Variants in TRPC3 observed in about 807,000 individuals in gnomAD.
TRPC3 encodes the protein short transient receptor potential channel 3.
In TRPC3, 54 loss-of-function variants were observed where a neutral mutation model predicts 90.9. The observed-to-expected ratio is 0.59, with a 90% CI of 0.48 to 0.75. TRPC3 has a LOEUF of 0.75. Ranked by LOEUF, TRPC3 falls within the 30% of genes least tolerant of loss-of-function variation. TRPC3 has a pLI of 0.00. For missense variants in TRPC3, 918 were observed against 1,194.5 expected (o/e 0.77, Z 3.41); for synonymous variants, 424 against 450.9 (o/e 0.94, Z 0.75).
intron 10 of TRPC3, among the ~76,000 whole-genome samples, chr4:121,899,180 A>G (rs969793924): frequency 6.6e-6 from 1 of 152,236 alleles, no homozygotes; most frequent in Admixed American, 6.5e-5. Context: ...GTATAGCCAA[A>G]CAATCCATTT....
At chr4:121,910,652 A>C (rs1182146273) in intron 5 of TRPC3, among the ~76,000 whole-genome samples, 1 of 152,162 alleles carries the variant, frequency 6.6e-6, no homozygotes, top group Admixed American at 6.5e-5. Context: ...GTCTCTATTC[A>C]TGAGAGGAGG....
chr4:121,931,945 G>A (rs1729944683), intron 2 of TRPC3, among the ~76,000 whole-genome samples: 1 of 152,160 alleles, frequency 6.6e-6, no homozygotes, highest in African/African-American at 2.4e-5. Flanking sequence ...GGATTTGGAA[G>A]ACAAAAAGTC....
chr4:121,932,574 C>A lies in TRPC3; in HGVS notation c.684G>T (p.Thr228=), dbSNP rs1160991895. 3 of 1,614,220 alleles carry A rather than the reference C, an allele frequency of 1.9e-6. No individual in the cohort carries two copies. The highest frequency in any genetic ancestry group is 1.7e-6 in the Non-Finnish European group (2 of 1,180,038). ...TGGGGGTGATGTCCGGCGAGAAGCG[C>A]GTGCCGTCCTCGTCGTAAGCGTAGA... ...DDFYAYDEDG[T]RFSPDITPII... is the part of the protein sequence containing the mutation. The change falls in exon 2 of 12, where the codon ACG becomes ACT. Residue 228 remains threonine, a synonymous_variant. Coordinates refer to ENST00000379645, the MANE Select transcript of TRPC3 (RefSeq NM_001130698.2). The surrounding 1 kb of genome is among the most constrained non-coding windows in gnomAD (Gnocchi z 7.7).
chr4:121,951,609 G>C lies in TRPC3; in HGVS notation c.72C>G (p.Asp24Glu). Residue 24 changes from aspartate (D) to glutamate (E), a missense_variant, in exon 1 of 12, where the codon GAC (aspartate) becomes GAG (glutamate). Transcript: ENST00000379645. The surrounding 1 kb of genome is among the most constrained non-coding windows in gnomAD (Gnocchi z 4.4). Reference protein sequence around the residue: ...VTFPAPEEEEDEGEDEGAEPQ... With the variant: ...VTFPAPEEEEEEGEDEGAEPQ... ...GCTCCGCGCCCTCGTCCTCGCCCTC[G>C]TCTTCCTCCTCCTCCGGCGCCGGGA... 1 of 1,444,684 alleles carries C rather than the reference G, an allele frequency of 6.9e-7. No homozygotes were observed. The highest frequency in any genetic ancestry group is 1.4e-5 in the South Asian group (1 of 70,334). 89.5% of individuals were successfully genotyped at this position (1,444,684 alleles called of 1,614,324 possible). A position where few individuals can be genotyped will look rare whatever the true frequency, so the allele number is the denominator to read the frequency against.
At chr4:121,923,547 C>G (rs1372239526) in intron 3 of TRPC3, among the ~76,000 whole-genome samples, 1 of 152,198 alleles carries the variant, frequency 6.6e-6, no homozygotes, top group Non-Finnish European at 1.5e-5. Context: ...TTATTAATAG[C>G]TAATACTTAT....
At chr4:121,889,640 C>G (rs1728252790) in intron 10 of TRPC3, among the ~76,000 whole-genome samples, 1 of 152,058 alleles carries the variant, frequency 6.6e-6, no homozygotes, top group African/African-American at 2.4e-5. Context: ...AAAATTAGTA[C>G]AGCCATTACA....
At chr4:121,883,915 A>T (rs2149104855) in intron 10 of TRPC3, among the ~76,000 whole-genome samples, 1 of 152,300 alleles carries the variant, frequency 6.6e-6, no homozygotes, top group African/African-American at 2.4e-5. Context: ...CCTTTCAGCT[A>T]GAAGTCCACT....
At chr4:121,917,611 T>C (rs1729362888) in intron 3 of TRPC3, among the ~76,000 whole-genome samples, 1 of 152,226 alleles carries the variant, frequency 6.6e-6, no homozygotes. Context: ...TAAGCTATTA[T>C]AACTGAGACT....
At chr4:121,926,565 C>T (rs1261953826) in intron 2 of TRPC3, among the ~76,000 whole-genome samples, 1 of 152,074 alleles carries the variant, frequency 6.6e-6, no homozygotes, top group African/African-American at 2.4e-5. Flanking sequence ...TGCCACCACA[C>T]CCGGCTATCT....
intron 2 of TRPC3, among the ~76,000 whole-genome samples, chr4:121,928,228 A>G (rs1470551676): frequency 6.6e-6 from 1 of 152,256 alleles, no homozygotes; most frequent in Non-Finnish European, 1.5e-5. Flanking sequence ...ATCCACTGAA[A>G]GATCAATAAA....
At chr4:121,925,276 ATT>A in intron 2 of TRPC3, 70 bp from the exon 3 acceptor site, 1 of 1,482,538 alleles carries the variant, frequency 6.7e-7, no homozygotes, top group Admixed American at 2.3e-5. Context: ...ATTTGGGTGA[ATT>A]AGAAAAAGGT....
intron 1 of TRPC3, among the ~76,000 whole-genome samples, chr4:121,945,561 C>T (rs1176262050): frequency 6.6e-6 from 1 of 151,994 alleles, no homozygotes; most frequent in East Asian, 1.9e-4. Context: ...CTAGAGAACG[C>T]CCAGAAATTG....
Position 121,899,621 on chromosome 4 carries a change from T to C in TRPC3, c.2538A>G (p.Thr846=). ...TCTAATGAATGCTTACCTGATAACGTGTTGGCTGATTGAGAATGCTGTTAA... is the reference window on the plus strand; with the variant it reads ...TCTAATGAATGCTTACCTGATAACGCGTTGGCTGATTGAGAATGCTGTTAA... ...HSFNSILNQP[T]RYQQIMKRLI... is the part of the protein sequence containing the mutation. Residue 846 remains threonine, a synonymous_variant, in exon 10 of 12, where the codon ACA becomes ACG. Coordinates refer to ENST00000379645, the MANE Select transcript of TRPC3 (RefSeq NM_001130698.2). 6.2e-7 allele frequency: 1 copy of C among 1,613,202 alleles called. No individual in the cohort carries two copies. The highest frequency in any genetic ancestry group is 8.5e-7 in the Non-Finnish European group (1 of 1,179,432).
At chr4:121,921,289 G>A (rs1578636343) in intron 3 of TRPC3, among the ~76,000 whole-genome samples, 1 of 151,972 alleles carries the variant, frequency 6.6e-6, no homozygotes, top group African/African-American at 2.4e-5. Context: ...TTGGGAGGCC[G>A]AGGCGGGCGG....
In TRPC3 at chr4:121,903,014, T is replaced by C. The variant is rs1244916810; in HGVS notation, c.2301A>G (p.Leu767=). 1 of 1,613,408 alleles carries C rather than the reference T, an allele frequency of 6.2e-7. No homozygotes were observed. Among genetic ancestry groups the C allele is most frequent in the East Asian group, 2.2e-5 (1 of 44,798 alleles). The change falls in exon 9 of 12, where the codon TTA becomes TTG. Residue 767 remains leucine, a synonymous_variant. Transcript: ENST00000379645. ...ATGTTTTTCCATCATCAAAATAGGA[T>C]AACCAAAGTTTTGAACGAGCAAACT... ...EWKFARSKLW[L]SYFDDGKTLP... is the part of the protein sequence containing the mutation.
intron 3 of TRPC3, among the ~76,000 whole-genome samples, chr4:121,921,855 A>T (rs1729524133): frequency 6.7e-6 from 1 of 150,286 alleles, no homozygotes; most frequent in Non-Finnish European, 1.5e-5. Context: ...TCCTCCTGTG[A>T]GAATGAAGAT....
chr4:121,901,958 G>C (rs1728719856), intron 9 of TRPC3, among the ~76,000 whole-genome samples: 1 of 152,132 alleles, frequency 6.6e-6, no homozygotes, highest in Non-Finnish European at 1.5e-5. Flanking sequence ...CTTTCTTAAA[G>C]AATACAATTC....
At chr4:121,948,840 G>GTTTTTTTTTTTTTT (rs10626464) in intron 1 of TRPC3, among the ~76,000 whole-genome samples, 1 of 147,960 alleles carries the variant, frequency 6.8e-6, no homozygotes. Context: ...ACTCTTTGCG[G>GTTTTTTTTTTTTTT]TTTTTTTTTT....
chr4:121,935,066 A>G (rs781566410), intron 1 of TRPC3, among the ~76,000 whole-genome samples: 6 of 152,308 alleles, frequency 3.9e-5, no homozygotes, highest in Middle Eastern at 3.4e-3. Flanking sequence ...CTGGACTGGG[A>G]CTAAGAAGTC....
Sources: allele counts gnomAD v4.1 joint callset (sites outside exome capture counted in the v4.1 genomes callset), GRCh38; gene constraint gnomAD v4.1.1; non-coding constraint Gnocchi (gnomAD v3.1); transcripts MANE v1.5; gene names NCBI Gene and HGNC (gene_info 2026-07-23, HGNC 2026-07-21).